SFXN2: variants seen among roughly 807,000 people sequenced by gnomAD.
The protein encoded by SFXN2 is sideroflexin 2.
SFXN2 carries 37 observed loss-of-function variants against 41.9 expected under a neutral mutation model. That is an observed-to-expected ratio of 0.88 (90% confidence interval 0.68 to 1.16). The LOEUF (loss-of-function observed/expected upper bound fraction) is 1.16. Ranked by LOEUF, SFXN2 falls within the 50% of genes most tolerant of loss-of-function variation. The pLI, the probability that SFXN2 is intolerant of heterozygous loss-of-function variation, is 0.00. For synonymous variants in SFXN2, 150 were observed against 156.7 expected, an observed-to-expected ratio of 0.96 and a Z score of 0.32; for missense variants, 386 against 425.2, an observed-to-expected ratio of 0.91 and a Z score of 0.81.
intron 1 of SFXN2, among the ~76,000 whole-genome samples, chr10:102,717,498 T>G (rs778336236): frequency 1.1e-4 from 16 of 152,172 alleles, no homozygotes; most frequent in Admixed American, 2.0e-4. Context: ...TTACTCCTAC[T>G]TTGTTCCTAG....
Position 102,731,683 on chromosome 10 carries a change from C to CACCCCTTT in SFXN2, c.594-39_594-32dup, listed in dbSNP as rs757356800. 7.6e-6 allele frequency: 12 copies of CACCCCTTT among 1,583,208 alleles called. No homozygotes were observed. In the African/African-American group the frequency reaches 1.6e-4, roughly 21 times the overall value. ...TGTCATGTGGCTGGCAGGCTTCCAT[C>CACCCCTTT]ACCCCTTTCCCAAGTCCATTAACTC... On this transcript the variant is annotated intron_variant, in intron 6 of 11. Transcript: ENST00000369893.
At position 102,729,715 on chromosome 10, in the gene SFXN2, C is replaced by T; in HGVS notation, c.508-8C>T. On this transcript the variant is annotated splice_region_variant and splice_polypyrimidine_tract_variant and intron_variant, in intron 5 of 11. Coordinates refer to ENST00000369893, the MANE Select transcript of SFXN2 (RefSeq NM_178858.6). ...TGAACAACTCCTACTGTTCTCTTCC[C>T]CCAACAGAAAGCGCCGCCCTTGGTG... 1 of 1,613,826 alleles carries T rather than the reference C, an allele frequency of 6.2e-7. No homozygotes were observed. The highest frequency in any genetic ancestry group is 8.5e-7 in the Non-Finnish European group (1 of 1,179,978).
intron 10 of SFXN2, among the ~76,000 whole-genome samples, chr10:102,733,918 C>T (rs913447675): frequency 1.3e-4 from 19 of 151,274 alleles, no homozygotes; most frequent in African/African-American, 4.1e-4. Context: ...GATGGAGTCT[C>T]GCTCTGTCGC....
chr10:102,730,644 T>C (rs2064688681), intron 6 of SFXN2, among the ~76,000 whole-genome samples: 1 of 152,212 alleles, frequency 6.6e-6, no homozygotes, highest in Non-Finnish European at 1.5e-5. Flanking sequence ...TGTCAAGAAC[T>C]GGCCTGAGAA....
chr10:102,735,947 A>G, intron 11 of SFXN2, 38 bp downstream of exon 11: 1 of 1,602,482 alleles, frequency 6.2e-7, no homozygotes. Flanking sequence ...TTAATTGACC[A>G]TGCTGCCAGC....
chr10:102,729,011 ATTTCAACTG>A (rs1015726647), intron 4 of SFXN2, among the ~76,000 whole-genome samples: 1 of 152,172 alleles, frequency 6.6e-6, no homozygotes, highest in Non-Finnish European at 1.5e-5. Flanking sequence ...TGAAGACGAC[ATTTCAACTG>A]TCCTGAAGGA....
chr10:102,727,189 C>A (rs1284504134), intron 3 of SFXN2, 32 bp downstream of exon 3: 2 of 1,577,110 alleles, frequency 1.3e-6, no homozygotes, highest in Non-Finnish European at 1.7e-6. Flanking sequence ...GTGGGAGGTA[C>A]AGCTGCCTGG....
chr10:102,732,855 C>T lies in SFXN2; in HGVS notation c.722-4C>T. 2 of 1,614,142 alleles carry T rather than the reference C, an allele frequency of 1.2e-6. No homozygotes were observed. Among genetic ancestry groups the T allele is most frequent in the Non-Finnish European group, 1.7e-6 (2 of 1,179,990 alleles). Reference sequence around the variant, plus strand: ...CCCCTCAGCTTCTCCCTGGTCTCTTCCAGTCTTGCTGCCAGTCATCATGGA... The same window carrying T: ...CCCCTCAGCTTCTCCCTGGTCTCTTTCAGTCTTGCTGCCAGTCATCATGGA... On this transcript the variant is annotated splice_region_variant and splice_polypyrimidine_tract_variant and intron_variant, in intron 8 of 11. Transcript: ENST00000369893.
rs565757074 is a variant in SFXN2, at chr10:102,724,261, C to G, written c.-25-2351C>G. On this transcript the variant is annotated intron_variant, in intron 1 of 11. Transcript: ENST00000369893. Reference sequence around the variant, plus strand: ...TTTATCCAGTCTGCCATGGATGGGCCTTTTGCATTTGGACAATTTCTACTG... The same window carrying G: ...TTTATCCAGTCTGCCATGGATGGGCGTTTTGCATTTGGACAATTTCTACTG... Among the ~76,000 whole-genome samples, 44 of 152,296 alleles carry G rather than the reference C, an allele frequency of 2.9e-4. 1 individual carries two copies. The South Asian group carries it at 8.7e-3, about 30-fold the overall frequency.
intron 1 of SFXN2, among the ~76,000 whole-genome samples, chr10:102,719,025 G>A (rs1215969652): frequency 7.0e-6 from 1 of 142,056 alleles, no homozygotes; most frequent in Non-Finnish European, 1.5e-5. Context: ...CCGGGTTCAA[G>A]TGATTCTCCT....
At chr10:102,735,409 T>C (rs1223381142) in intron 10 of SFXN2, among the ~76,000 whole-genome samples, 1 of 127,196 alleles carries the variant, frequency 7.9e-6, no homozygotes, top group African/African-American at 3.0e-5. Flanking sequence ...GTTGCTCCTG[T>C]CCCTCCATGT....
rs1209518653 is a variant in SFXN2 at position 102,734,385 on chromosome 10, T to C, written c.821+782T>C. Among the ~76,000 whole-genome samples, 1 of 152,208 alleles carries C rather than the reference T, an allele frequency of 6.6e-6. No individual in the cohort carries two copies. The highest frequency in any genetic ancestry group is 1.5e-5 in the Non-Finnish European group (1 of 68,038). On this transcript the variant is annotated intron_variant, in intron 10 of 11. Coordinates refer to ENST00000369893, the MANE Select transcript of SFXN2 (RefSeq NM_178858.6). This position sits in a 1 kb window ranked among gnomAD's most constrained non-coding sequence, Gnocchi z 4.1. ...CTAACAGCTAACACTGACTGTATAT[T>C]TTCTCTGTGTCCCCACTGAACCCAG...
intron 3 of SFXN2, among the ~76,000 whole-genome samples, 158 bp from the exon 4 acceptor site, chr10:102,728,273 T>C (rs1371615242): frequency 6.6e-6 from 1 of 152,142 alleles, no homozygotes; most frequent in Non-Finnish European, 1.5e-5. Context: ...CACTCCAGCC[T>C]GGGTGACAGA....
chr10:102,723,594 G>C, intron 1 of SFXN2, among the ~76,000 whole-genome samples: 1 of 152,144 alleles, frequency 6.6e-6, no homozygotes, highest in East Asian at 1.9e-4. Context: ...GTTAGTACTT[G>C]AGATGATTCT....
intron 1 of SFXN2, among the ~76,000 whole-genome samples, chr10:102,725,595 T>A (rs1171516906): frequency 6.6e-6 from 1 of 152,058 alleles, no homozygotes; most frequent in African/African-American, 2.4e-5. Context: ...AGACTCTGTC[T>A]CTAAATAATA....
At chr10:102,719,752 G>A (rs2064479661) in intron 1 of SFXN2, among the ~76,000 whole-genome samples, 1 of 152,182 alleles carries the variant, frequency 6.6e-6, no homozygotes, top group Admixed American at 6.5e-5. Context: ...GCACTGGGGT[G>A]ACAGTCGTGA....
rs1590145595 is a variant in SFXN2, at chr10:102,726,798, G to A, written c.161+1G>A. 6.2e-7 allele frequency: 1 copy of A among 1,614,196 alleles called. No homozygotes were observed. Among genetic ancestry groups the A allele is most frequent in the Non-Finnish European group, 8.5e-7 (1 of 1,180,032 alleles). ...CCAAGGTGATGGTGGAGAAGAGCAG[G>A]TGAGGGGTCGGGGAAGGGGCTGGAA... On this transcript the variant is annotated splice_donor_variant, in intron 2 of 11. Coordinates refer to ENST00000369893, the MANE Select transcript of SFXN2 (RefSeq NM_178858.6). LOFTEE classifies it high-confidence loss of function.
At chr10:102,733,266 G>A (rs533718374) in intron 9 of SFXN2, among the ~76,000 whole-genome samples, 2 of 152,332 alleles carry the variant, frequency 1.3e-5, no homozygotes, top group East Asian at 3.9e-4. Flanking sequence ...TCCTGCCTCA[G>A]CCTCCCGAGC....
intron 7 of SFXN2, 23 bp from the exon 8 acceptor site, chr10:102,732,129 A>G (rs979137790): frequency 6.2e-7 from 1 of 1,609,518 alleles, no homozygotes; most frequent in Admixed American, 1.7e-5. Flanking sequence ...CATTTCTGAC[A>G]ACTTACTATT....
Sources: gnomAD v4.1 joint callset for allele counts (sites outside exome capture counted in the v4.1 genomes callset) on GRCh38, gnomAD v4.1.1 for gene constraint, Gnocchi (gnomAD v3.1) non-coding constraint, MANE v1.5 for transcripts, NCBI Gene and HGNC (gene_info 2026-07-23, HGNC 2026-07-21) for gene names.